The following SMG1 variants were observed in gnomAD, a reference collection of about 807,000 sequenced individuals.
The protein encoded by SMG1 is serine/threonine-protein kinase SMG1.
SMG1 carries 22 observed loss-of-function variants against 419.9 expected under a neutral mutation model. That is an observed-to-expected ratio of 0.05 (90% CI 0.04 to 0.07). SMG1 has a LOEUF of 0.07. Among genes scored for constraint, SMG1 ranks in the 10% least tolerant of loss-of-function variants. The pLI is 1.00. For missense variants in SMG1, 3,185 were observed against 4,342.0 expected (o/e 0.73, Z 7.49); for synonymous variants, 1,538 against 1,553.5 (o/e 0.99, Z 0.23).
At chr16:18,858,996 G>C in intron 28 of SMG1, 26 bp downstream of exon 28, 1 of 1,408,052 alleles carries the variant, frequency 7.1e-7, no homozygotes, top group Non-Finnish European at 9.5e-7. Context: ...ATAGTCATAA[G>C]AGTGTGCTTG....
intron 38 of SMG1, among the ~76,000 whole-genome samples, chr16:18,846,050 G>A (rs958245554): frequency 3.3e-5 from 5 of 151,940 alleles, no homozygotes; most frequent in East Asian, 1.9e-4. Context: ...TCCTGACCTC[G>A]TGATCCGCCC....
chr16:18,926,225 C>T lies in SMG1; in HGVS notation c.-184G>A, dbSNP rs1316579014. On this transcript the variant is annotated 5_prime_UTR_variant, in exon 1 of 63. Coordinates refer to ENST00000446231, the MANE Select transcript of SMG1 (RefSeq NM_015092.5). ...GGGCGGGGGAAGAGGACGGCCGTTC[C>T]GGGTTCCGCCTGAGCCCGCAGCGCA... 7 of 571,402 alleles carry T rather than the reference C, an allele frequency of 1.2e-5. No individual in the cohort carries two copies. The East Asian group carries it at 2.4e-4, about 19-fold the overall frequency. The allele number at this position is 571,402 out of a possible 1,614,324, so 35.4% of individuals were successfully genotyped here.
At chr16:18,900,413 T>G (rs904817196) in intron 1 of SMG1, among the ~76,000 whole-genome samples, 10 of 152,108 alleles carry the variant, frequency 6.6e-5, no homozygotes, top group South Asian at 2.1e-4. Context: ...ACACCAACAA[T>G]CCACCATGTG....
chr16:18,867,114 T>C (rs1234393693), intron 22 of SMG1, among the ~76,000 whole-genome samples: 2 of 152,224 alleles, frequency 1.3e-5, no homozygotes, highest in African/African-American at 4.8e-5. Context: ...ATTAACTTCA[T>C]GTGTTTGAAT....
intron 23 of SMG1, 156 bp downstream of exon 23, chr16:18,866,465 C>T (rs2035513292): frequency 1.4e-6 from 1 of 726,538 alleles, no homozygotes; most frequent in Non-Finnish European, 2.3e-6. Context: ...AACTAAAGAA[C>T]AAACTGAAGA....
chr16:18,867,050 A>G (rs1322560197), intron 22 of SMG1, among the ~76,000 whole-genome samples: 1 of 152,216 alleles, frequency 6.6e-6, no homozygotes, highest in Admixed American at 6.5e-5. Flanking sequence ...GGAACAACAC[A>G]TGGAGTAAAA....
chr16:18,814,012 C>CAAGAGACAG (rs2031728325), intron 60 of SMG1, among the ~76,000 whole-genome samples: 1 of 109,228 alleles, frequency 9.2e-6, no homozygotes, highest in Non-Finnish European at 1.7e-5. Context: ...GCCTGGGCGA[C>CAAGAGACAG]TGAGTGAGAC....
At position 18,830,031 on chromosome 16, in the gene SMG1, C is replaced by T. The variant is rs777089053; in HGVS notation, c.9028G>A (p.Asp3010Asn). 1 of 1,598,462 alleles carries T rather than the reference C, an allele frequency of 6.3e-7. No individual in the cohort carries two copies. Among genetic ancestry groups the T allele is most frequent in the Non-Finnish European group, 8.5e-7 (1 of 1,171,584 alleles). The change falls in exon 53 of 63, where the codon GAT becomes AAT. Residue 3010 changes from aspartate (D) to asparagine (N), a missense_variant. Physicochemically the swap from Asp to Asn is conservative, Grantham distance 23. Transcript: ENST00000446231. ...ARSTQVNFFD[D>N]DNHRQVLEEI... ...TCTAGCACCTGCCGGTGATTATCAT[C>T]ATCAAAAAAATTAACTTGAGTACTC...
At chr16:18,842,186 T>A (rs775315142) in intron 40 of SMG1, 22 bp downstream of exon 40, 4 of 1,598,346 alleles carry the variant, frequency 2.5e-6, no homozygotes, top group Non-Finnish European at 3.4e-6. Flanking sequence ...TTCTGAAAAA[T>A]GGAGGAAGTC....
chr16:18,858,128 A>G, intron 29 of SMG1, 42 bp downstream of exon 29: 1 of 1,510,060 alleles, frequency 6.6e-7, no homozygotes, highest in East Asian at 2.5e-5. Flanking sequence ...TTAAAAAAAG[A>G]ACACCTTTAA....
At chr16:18,832,850 A>G in intron 51 of SMG1, 90 bp downstream of exon 51, 1 of 1,170,112 alleles carries the variant, frequency 8.5e-7, no homozygotes, top group Non-Finnish European at 1.3e-6. Flanking sequence ...CTAAAAACTA[A>G]AAGTAAACTT....
rs74011689 is a variant in SMG1, at chr16:18,847,374, A to G, written c.5996+79T>C. 5,661 of 1,497,010 alleles carry G rather than the reference A, an allele frequency of 3.8e-3. 176 individuals carry two copies. In the African/African-American group the frequency reaches 0.069, roughly 18 times the overall value. 92.7% of individuals were successfully genotyped at this position (1,497,010 alleles called of 1,614,324 possible). On this transcript the variant is annotated intron_variant, in intron 38 of 62. Coordinates refer to ENST00000446231, the MANE Select transcript of SMG1 (RefSeq NM_015092.5). The stretch of plus-strand genomic sequence containing the variant: ...ACTGAATTGTACACTTAAAAATTAA[A>G]ATAGTAAATTTTATGTTATTTATAC...
At chr16:18,871,275 C>G (rs982574469) in intron 16 of SMG1, 89 bp downstream of exon 16, 4 of 603,186 alleles carry the variant, frequency 6.6e-6, no homozygotes, top group Admixed American at 3.6e-5. Flanking sequence ...GTCAGGAAAA[C>G]AGCTCGATTC....
Position 18,833,107 on chromosome 16 carries a change from T to G in SMG1, c.8625A>C (p.Lys2875Asn). The G allele has an allele frequency of 6.2e-7, 1 of 1,614,014 alleles. No individual in the cohort carries two copies. Among genetic ancestry groups the G allele is most frequent in the Non-Finnish European group, 8.5e-7 (1 of 1,179,872 alleles). Residue 2875 changes from lysine to asparagine, a missense_variant, in exon 51 of 63, where the codon AAA becomes AAC. By Grantham distance (94) the Lys-to-Asn change is moderately conservative. Coordinates refer to ENST00000446231, the MANE Select transcript of SMG1 (RefSeq NM_015092.5). ...GCATACTTTCTAACGTGTATTCCCC[T>G]TTCATTAAACATCGAAGTGCTTCTG... ...IFPEALRCLM[K>N]GEYTLESMLH...
chr16:18,900,564 C>T (rs544953910), intron 1 of SMG1, among the ~76,000 whole-genome samples: 29 of 152,262 alleles, frequency 1.9e-4, no homozygotes, highest in African/African-American at 6.0e-4. Context: ...TAAAGCACCC[C>T]AAAATGACTT....
At chr16:18,819,474 C>A in intron 56 of SMG1, 28 bp downstream of exon 56, 1 of 1,602,880 alleles carries the variant, frequency 6.2e-7, no homozygotes. Flanking sequence ...AAAGTGAATA[C>A]AAAGATGGTG....
At position 18,820,589 on chromosome 16, in the gene SMG1, A is replaced by G. The variant is rs973418137; in HGVS notation, c.9742-935T>C. Among the ~76,000 whole-genome samples, 4 of 152,298 alleles carry G rather than the reference A, an allele frequency of 2.6e-5. No homozygotes were observed. The East Asian group carries it at 7.7e-4, about 29-fold the overall frequency. On this transcript the variant is annotated intron_variant, in intron 55 of 62. Coordinates refer to ENST00000446231, the MANE Select transcript of SMG1 (RefSeq NM_015092.5). ...ACAAAGTTATTTGATTATTTATTCA[A>G]CATTTCAGGTGGACGCATTCACATT...
At chr16:18,879,063 G>C (rs530971466) in intron 11 of SMG1, 11 of 254,764 alleles carry the variant, frequency 4.3e-5, no homozygotes, top group African/African-American at 2.5e-4. Context: ...TGAAAGCACA[G>C]ATTATAACTG....
Position 18,853,809 on chromosome 16 carries a change from A to G in SMG1, c.4542T>C (p.Ser1514=). ...LSSCAISFCK[S]VKAEYAVAKS... is the part of the protein sequence containing the mutation. ...TAGCAACTGCATATTCAGCTTTCAC[A>G]GACTTGCAGAAAGATATGGCACAAG... is the stretch of plus-strand genomic sequence containing the variant. Residue 1514 remains serine (S), a synonymous_variant, in exon 31 of 63, where the codon TCT becomes TCC. Transcript: ENST00000446231. 1.9e-6 allele frequency: 3 copies of G among 1,613,562 alleles called. No individual in the cohort carries two copies. The highest frequency in any genetic ancestry group is 2.5e-6 in the Non-Finnish European group (3 of 1,179,672).
Sources: gnomAD v4.1 joint callset for allele counts (sites outside exome capture counted in the v4.1 genomes callset) on GRCh38, gnomAD v4.1.1 for gene constraint, MANE v1.5 for transcripts, NCBI Gene and HGNC (gene_info 2026-07-23, HGNC 2026-07-21) for gene names.